Variants in PRORP observed in about 807,000 individuals in gnomAD.
The protein encoded by PRORP is protein only RNase P catalytic subunit.
A neutral mutation model predicts 59.4 loss-of-function variants in PRORP; 51 were observed. The ratio of observed to expected loss-of-function variants is 0.86; its 90% CI spans 0.69 to 1.08. PRORP has a LOEUF of 1.08. Ranked by LOEUF, PRORP falls within the 50% of genes least tolerant of loss-of-function variation. PRORP has a pLI of 0.00. For synonymous variants in PRORP, 231 were observed against 245.6 expected, an observed-to-expected ratio of 0.94 and a Z score of 0.55; for missense variants, 646 against 690.3, an observed-to-expected ratio of 0.94 and a Z score of 0.72.
chr14:35,239,944 G>T (rs1247465983), intron 5 of PRORP, among the ~76,000 whole-genome samples: 1 of 151,960 alleles, frequency 6.6e-6, no homozygotes, highest in African/African-American at 2.4e-5. Flanking sequence ...GCGTGGTGGC[G>T]TGCGCCTGTA....
intron 5 of PRORP, among the ~76,000 whole-genome samples, chr14:35,236,337 A>C (rs1050446092): frequency 2.0e-5 from 3 of 152,094 alleles, no homozygotes; most frequent in African/African-American, 7.2e-5. Flanking sequence ...TTGGATCTCC[A>C]TTGCTTTAAT....
chr14:35,193,928 G>C (rs190263556), intron 5 of PRORP, among the ~76,000 whole-genome samples: 24 of 152,250 alleles, frequency 1.6e-4, no homozygotes, highest in African/African-American at 5.5e-4. Flanking sequence ...TCACACTTGG[G>C]TGTCCTTCTT....
chr14:35,236,096 C>CAAAAAA (rs59458917), intron 5 of PRORP, among the ~76,000 whole-genome samples: 7 of 62,398 alleles, frequency 1.1e-4, no homozygotes, highest in Non-Finnish European at 1.6e-4. Flanking sequence ...ACCCCATCTC[C>CAAAAAA]AAAAAAAAAA....
chr14:35,189,580 GCCAGATA>G (rs748112321), intron 5 of PRORP, among the ~76,000 whole-genome samples: 43 of 152,166 alleles, frequency 2.8e-4, no homozygotes, highest in Middle Eastern at 6.8e-3. Context: ...CCCATTCCAA[GCCAGATA>G]CTGTTTTAAG....
chr14:35,236,890 T>C (rs1342032348), intron 5 of PRORP, among the ~76,000 whole-genome samples: 1 of 152,116 alleles, frequency 6.6e-6, no homozygotes, highest in Non-Finnish European at 1.5e-5. Context: ...TTTTACCTCC[T>C]AATTATTTCT....
chr14:35,140,599 A>T (rs112031438), intron 4 of PRORP, among the ~76,000 whole-genome samples: 1 of 145,742 alleles, frequency 6.9e-6, no homozygotes, highest in Non-Finnish European at 1.5e-5. Flanking sequence ...CCTAAGTCCA[A>T]TATATTTTAC....
chr14:35,122,333 C>G (rs2046938478), upstream of PRORP: 2 of 218,320 alleles, frequency 9.2e-6, no homozygotes, highest in South Asian at 1.6e-4. Context: ...GAGGGAAGCG[C>G]CTTCTTTCAC....
At position 35,126,158 on chromosome 14, in the gene PRORP, GAATT is replaced by G. The variant is rs1344121921; in HGVS notation, c.987-574_987-571del. Among the ~76,000 whole-genome samples the G allele has an allele frequency of 3.3e-5, 5 of 152,244 alleles. No individual in the cohort carries two copies. The South Asian group carries it at 6.2e-4, about 19-fold the overall frequency. On this transcript the variant is annotated intron_variant, in intron 2 of 7. Coordinates refer to ENST00000534898, the MANE Select transcript of PRORP (RefSeq NM_014672.4). ...TTTAGGTTTAGGTGAGAGATGATGA[GAATT>G]AAGAACTGAGGAAGGAGAGAAGGCA...
chr14:35,260,200 A>G (rs1051665291), intron 5 of PRORP, among the ~76,000 whole-genome samples: 4 of 151,928 alleles, frequency 2.6e-5, no homozygotes, highest in Non-Finnish European at 5.9e-5. Context: ...TTTAGTAGAG[A>G]CAAAATCTTG....
In PRORP at chr14:35,143,623, C is replaced by T. The variant is rs186417021; in HGVS notation, c.1167+16012C>T. Reference sequence around the variant, plus strand: ...TTAAATAATATGGCTTAATAAAAGACAGATAGTTTTTGTTTGTTTGTTTGT... The same window carrying T: ...TTAAATAATATGGCTTAATAAAAGATAGATAGTTTTTGTTTGTTTGTTTGT... On this transcript the variant is annotated intron_variant, in intron 4 of 7. Coordinates refer to ENST00000534898, the MANE Select transcript of PRORP (RefSeq NM_014672.4). 9.0e-5 allele frequency among the ~76,000 whole-genome samples: 13 copies of T among 145,104 alleles called. 1 individual carries two copies. Among genetic ancestry groups the T allele is most frequent in the South Asian group, 6.7e-4 (3 of 4,456 alleles).
chr14:35,220,757 T>C (rs999718863), intron 5 of PRORP, among the ~76,000 whole-genome samples: 1 of 152,204 alleles, frequency 6.6e-6, no homozygotes, highest in African/African-American at 2.4e-5. Context: ...TTTTATTCTA[T>C]TCATTCAGCA....
chr14:35,250,714 C>T (rs2138585379), intron 5 of PRORP, among the ~76,000 whole-genome samples: 1 of 152,274 alleles, frequency 6.6e-6, no homozygotes, highest in East Asian at 1.9e-4. Context: ...CCTGAACCAC[C>T]TTATCAAATA....
chr14:35,161,698 T>A (rs956181919), intron 4 of PRORP, among the ~76,000 whole-genome samples: 1 of 152,144 alleles, frequency 6.6e-6, no homozygotes, highest in African/African-American at 2.4e-5. Context: ...AAGAATATGA[T>A]ATGAAAAGGA....
At chr14:35,260,610 A>G (rs1204053461) in intron 5 of PRORP, among the ~76,000 whole-genome samples, 1 of 152,250 alleles carries the variant, frequency 6.6e-6, no homozygotes, top group African/African-American at 2.4e-5. Context: ...AAGCCGTGCT[A>G]GGCACTAAGG....
At chr14:35,202,531 AAGG>A (rs1408534359) in intron 5 of PRORP, among the ~76,000 whole-genome samples, 4 of 152,122 alleles carry the variant, frequency 2.6e-5, no homozygotes, top group Non-Finnish European at 5.9e-5. Context: ...GCACAGATAA[AAGG>A]AGAAGTTTAA....
At chr14:35,144,598 T>C (rs1222952216) in intron 4 of PRORP, 2 of 146,036 alleles carry the variant, frequency 1.4e-5, no homozygotes, top group Non-Finnish European at 3.0e-5. Context: ...CTCATGGAAA[T>C]AGGTAGTTGG....
At chr14:35,250,102 G>T (rs1345470889) in intron 5 of PRORP, among the ~76,000 whole-genome samples, 2 of 152,052 alleles carry the variant, frequency 1.3e-5, no homozygotes, top group Non-Finnish European at 2.9e-5. Flanking sequence ...ACAAAAAATA[G>T]CTGGGCATGG....
intron 5 of PRORP, among the ~76,000 whole-genome samples, chr14:35,218,257 C>T (rs898080282): frequency 1.3e-5 from 2 of 151,532 alleles, no homozygotes; most frequent in East Asian, 1.9e-4. Flanking sequence ...CCTAGGAGTT[C>T]GAGACCAGCC....
intron 6 of PRORP, 117 bp downstream of exon 6, chr14:35,266,992 TA>T (rs369946634): frequency 0.12 from 76,833 of 644,800 alleles, no homozygotes; most frequent in East Asian, 0.18. Flanking sequence ...TCACCCTCAT[TA>T]AAAAAAAAAA....
Sources: allele counts gnomAD v4.1 joint callset (sites outside exome capture counted in the v4.1 genomes callset), GRCh38; gene constraint gnomAD v4.1.1; transcripts MANE v1.5; gene names NCBI Gene and HGNC (gene_info 2026-07-23, HGNC 2026-07-21).